DENND1A: variants seen among roughly 807,000 people sequenced by gnomAD.
The protein encoded by DENND1A is DENN domain containing 1A.
DENND1A carries 51 observed loss-of-function variants against 113.7 expected under a neutral mutation model. That is an observed-to-expected ratio of 0.45 (90% confidence interval 0.36 to 0.57). DENND1A has a LOEUF of 0.57. DENND1A is among the 20% of genes least tolerant of loss of function. The pLI is 0.00. For missense variants in DENND1A, 1,258 were observed against 1,395.9 expected (o/e 0.90, Z 1.57); for synonymous variants, 565 against 570.8 (o/e 0.99, Z 0.14).
At chr9:123,433,917 C>T (rs2046325439) in intron 19 of DENND1A, among the ~76,000 whole-genome samples, 1 of 152,228 alleles carries the variant, frequency 6.6e-6, no homozygotes, top group Admixed American at 6.5e-5. Flanking sequence ...TCATTCCTCT[C>T]CATTCCCTTC....
intron 13 of DENND1A, among the ~76,000 whole-genome samples, chr9:123,551,392 C>T (rs770473398): frequency 2.6e-5 from 4 of 152,216 alleles, no homozygotes; most frequent in African/African-American, 7.2e-5. Flanking sequence ...TACCTACACA[C>T]GGTGCCACGA....
chr9:123,602,990 C>T (rs1236442147), intron 11 of DENND1A, among the ~76,000 whole-genome samples: 2 of 152,220 alleles, frequency 1.3e-5, no homozygotes, highest in Admixed American at 1.3e-4. Flanking sequence ...ATACAAGTCA[C>T]CATTTATACC....
intron 2 of DENND1A, among the ~76,000 whole-genome samples, chr9:123,838,648 C>G (rs904564115): frequency 2.6e-5 from 4 of 152,194 alleles, no homozygotes; most frequent in African/African-American, 9.7e-5. Flanking sequence ...GTTGGCCAAT[C>G]AATCATTCAA....
intron 13 of DENND1A, among the ~76,000 whole-genome samples, chr9:123,521,099 C>T (rs550862185): frequency 1.3e-5 from 2 of 152,288 alleles, no homozygotes; most frequent in South Asian, 2.1e-4. Context: ...CAGATCCTCA[C>T]GCCGAGACAC....
chr9:123,499,011 C>T (rs1056714861), intron 13 of DENND1A, among the ~76,000 whole-genome samples: 1 of 150,956 alleles, frequency 6.6e-6, no homozygotes, highest in Non-Finnish European at 1.5e-5. Flanking sequence ...GCATGAGCCA[C>T]TGTGCCCCGC....
rs1444812050 is a variant in DENND1A, at chr9:123,481,238, TATG to T, written c.994-23344_994-23342del. 3.3e-5 allele frequency among the ~76,000 whole-genome samples: 5 copies of T among 152,256 alleles called. No individual in the cohort carries two copies. The East Asian group carries it at 7.7e-4, about 23-fold the overall frequency. ...CAGAGGCCGACTCAGGAAGAAAAAT[TATG>T]AGGCTAAAATATGCATGTGTGAGCT... On this transcript the variant is annotated intron_variant, in intron 13 of 23. Transcript: ENST00000394215.
At chr9:123,465,978 G>A (rs1473478783) in intron 13 of DENND1A, among the ~76,000 whole-genome samples, 1 of 151,892 alleles carries the variant, frequency 6.6e-6, no homozygotes, top group Non-Finnish European at 1.5e-5. Flanking sequence ...CAAAACTAAC[G>A]CCATTGTTTT....
At chr9:123,579,092 G>A (rs1474811303) in intron 12 of DENND1A, among the ~76,000 whole-genome samples, 1 of 152,088 alleles carries the variant, frequency 6.6e-6, no homozygotes, top group Non-Finnish European at 1.5e-5. Context: ...AAAACAGGGG[G>A]GTATCATGAA....
intron 3 of DENND1A, among the ~76,000 whole-genome samples, chr9:123,777,969 TATAAGGAGG>T (rs1203786884): frequency 6.6e-6 from 1 of 152,074 alleles, no homozygotes; most frequent in Non-Finnish European, 1.5e-5. Context: ...AATAGGAAGA[TATAAGGAGG>T]ATAAGGAGGA....
chr9:123,794,920 A>G (rs1833538585), intron 2 of DENND1A, among the ~76,000 whole-genome samples: 1 of 151,932 alleles, frequency 6.6e-6, no homozygotes, highest in Non-Finnish European at 1.5e-5. Context: ...ATCATTCCCA[A>G]TACTGCCTCA....
chr9:123,815,978 C>G (rs936586445), intron 2 of DENND1A, among the ~76,000 whole-genome samples: 1 of 149,948 alleles, frequency 6.7e-6, no homozygotes, highest in Non-Finnish European at 1.5e-5. Flanking sequence ...GCACTGGGCC[C>G]TCAAAGTGAC....
At chr9:123,675,230 C>T (rs2064001665) in intron 6 of DENND1A, among the ~76,000 whole-genome samples, 1 of 152,162 alleles carries the variant, frequency 6.6e-6, no homozygotes, top group African/African-American at 2.4e-5. Flanking sequence ...ATTATACACA[C>T]AATTTCCCCC....
At chr9:123,418,228 A>G (rs10986014) in intron 19 of DENND1A, among the ~76,000 whole-genome samples, 19 of 152,196 alleles carry the variant, frequency 1.2e-4, no homozygotes, top group Non-Finnish European at 2.2e-4. Flanking sequence ...CCCTGGCCAC[A>G]CCACTGCTGG....
intron 9 of DENND1A, among the ~76,000 whole-genome samples, chr9:123,635,013 C>T (rs543462274): frequency 1.9e-4 from 29 of 152,102 alleles, no homozygotes; most frequent in Admixed American, 1.4e-3. Context: ...CAAAGGGAGA[C>T]GAGGAGAAGG....
At chr9:123,902,161 TCACACACACACATACA>T (rs547400620) in intron 1 of DENND1A, among the ~76,000 whole-genome samples, 1,456 of 128,232 alleles carry the variant, frequency 0.011, 14 homozygotes, top group East Asian at 0.022. Context: ...TACTCATGGG[TCACACACACACATACA>T]CACACACACA....
intron 12 of DENND1A, among the ~76,000 whole-genome samples, chr9:123,573,324 C>G (rs1348023865): frequency 6.6e-6 from 1 of 152,020 alleles, no homozygotes; most frequent in East Asian, 1.9e-4. Flanking sequence ...AAAAAGAAAG[C>G]CATCTGGAAT....
chr9:123,582,343 G>A (rs2058941846), intron 12 of DENND1A, among the ~76,000 whole-genome samples: 1 of 152,086 alleles, frequency 6.6e-6, no homozygotes, highest in Non-Finnish European at 1.5e-5. Context: ...TCACTTCACA[G>A]TCTTTCTGAT....
At chr9:123,613,588 G>A (rs1182097827) in intron 10 of DENND1A, among the ~76,000 whole-genome samples, 1 of 152,200 alleles carries the variant, frequency 6.6e-6, no homozygotes, top group Non-Finnish European at 1.5e-5. Flanking sequence ...CTTCTCCAGA[G>A]CCTTTTAGCA....
At chr9:123,509,019 A>G (rs1175411792) in intron 13 of DENND1A, among the ~76,000 whole-genome samples, 1 of 152,230 alleles carries the variant, frequency 6.6e-6, no homozygotes, top group Non-Finnish European at 1.5e-5. Context: ...GGCACCGTGA[A>G]GGAATGGAAC....
Sources: gnomAD v4.1 joint callset for allele counts (sites outside exome capture counted in the v4.1 genomes callset) on GRCh38, gnomAD v4.1.1 for gene constraint, MANE v1.5 for transcripts, NCBI Gene and HGNC (gene_info 2026-07-23, HGNC 2026-07-21) for gene names.